ABCB1: variants seen among roughly 807,000 people sequenced by gnomAD.
The protein encoded by ABCB1 is ATP-dependent translocase ABCB1.
A neutral mutation model predicts 142.0 loss-of-function variants in ABCB1; 69 were observed. The observed-to-expected ratio is 0.49, with a 90% CI of 0.40 to 0.59. The LOEUF (loss-of-function observed/expected upper bound fraction) is 0.59. ABCB1 is among the 20% of genes least tolerant of loss of function. The pLI, the probability that ABCB1 is intolerant of heterozygous loss-of-function variation, is 0.00. For missense variants in ABCB1, 1,326 were observed against 1,554.7 expected (o/e 0.85, Z 2.47); for synonymous variants, 532 against 539.2 (o/e 0.99, Z 0.18).
exon 1 of ABCB1, chr7:87,713,289 T>C (rs1830255837): frequency 6.6e-6 from 1 of 152,072 alleles, no homozygotes; most frequent in Non-Finnish European, 1.5e-5. Context: ...AGGTAAAGAG[T>C]AATGATAGCC....
At chr7:87,565,764 G>GTTTTGT (rs1274865636) in intron 7 of ABCB1, among the ~76,000 whole-genome samples, 1 of 148,320 alleles carries the variant, frequency 6.7e-6, no homozygotes, top group South Asian at 2.1e-4. Context: ...TTTTTTTTTT[G>GTTTTGT]TTTTGTTTTT....
intron 1 of ABCB1, among the ~76,000 whole-genome samples, chr7:87,705,896 A>G (rs1285660076): frequency 6.6e-6 from 1 of 152,182 alleles, no homozygotes; most frequent in East Asian, 1.9e-4. Flanking sequence ...ACTGATTTCA[A>G]GTTCAAGAAA....
chr7:87,604,456 T>C (rs1187158092), upstream of ABCB1, among the ~76,000 whole-genome samples: 1 of 152,052 alleles, frequency 6.6e-6, no homozygotes, highest in Non-Finnish European at 1.5e-5. Flanking sequence ...AATAACACAA[T>C]AATAAGGGAT....
chr7:87,641,888 A>G (rs938694359), intron 1 of ABCB1, among the ~76,000 whole-genome samples: 1 of 152,182 alleles, frequency 6.6e-6, no homozygotes, highest in African/African-American at 2.4e-5. Context: ...TTTAAATCTT[A>G]GTATTTACAG....
intron 19 of ABCB1, among the ~76,000 whole-genome samples, chr7:87,537,979 G>A (rs900761655): frequency 6.6e-6 from 1 of 152,114 alleles, no homozygotes; most frequent in South Asian, 2.1e-4. Flanking sequence ...GTATCAACTT[G>A]CTTTTCAATA....
intron 20 of ABCB1, among the ~76,000 whole-genome samples, chr7:87,532,951 A>G (rs1816123192): frequency 6.6e-6 from 1 of 152,178 alleles, no homozygotes; most frequent in African/African-American, 2.4e-5. Context: ...ACACCAGACT[A>G]GTATTTAGGA....
intron 14 of ABCB1, among the ~76,000 whole-genome samples, chr7:87,548,176 GAA>G (rs758908883): frequency 3.0e-5 from 2 of 67,668 alleles, no homozygotes; most frequent in Admixed American, 1.5e-4. Context: ...GAAAGGAAGG[GAA>G]GGGAAGGGAA....
chr7:87,584,673 C>T (rs760630509), intron 4 of ABCB1, among the ~76,000 whole-genome samples: 5 of 152,180 alleles, frequency 3.3e-5, no homozygotes, highest in Admixed American at 2.0e-4. Flanking sequence ...AGCCAATTCT[C>T]CTGCTTCCTA....
At chr7:87,698,668 G>A (rs118183024) in intron 1 of ABCB1, among the ~76,000 whole-genome samples, 1 of 152,274 alleles carries the variant, frequency 6.6e-6, no homozygotes, top group East Asian at 1.9e-4. Flanking sequence ...TATTTATTGA[G>A]TGCCTACTGT....
At chr7:87,673,229 G>T (rs916532048) in intron 1 of ABCB1, among the ~76,000 whole-genome samples, 1 of 152,098 alleles carries the variant, frequency 6.6e-6, no homozygotes, top group Non-Finnish European at 1.5e-5. Context: ...TATTTTGCAG[G>T]ATTCTCTGCA....
intron 19 of ABCB1, among the ~76,000 whole-genome samples, chr7:87,538,112 A>G (rs1365282087): frequency 6.6e-6 from 1 of 152,200 alleles, no homozygotes; most frequent in Non-Finnish European, 1.5e-5. Context: ...CACTTAATAA[A>G]TGCTTGCCCT....
intron 18 of ABCB1, among the ~76,000 whole-genome samples, 192 bp from the exon 19 acceptor site, chr7:87,539,537 CAGAAGAA>C (rs1450192093): frequency 1.3e-5 from 2 of 152,182 alleles, no homozygotes; most frequent in Non-Finnish European, 2.9e-5. Context: ...GCCCACTTTA[CAGAAGAA>C]ACTGAGGCTT....
rs116602425 is a variant in ABCB1, at chr7:87,581,918, C to T, written c.286+3594G>A. Among the ~76,000 whole-genome samples the T allele has an allele frequency of 1.5e-3, 235 of 152,136 alleles. 3 individuals carry two copies. The highest frequency in any genetic ancestry group is 5.6e-3 in the African/African-American group (232 of 41,504). ...AGAATGATCTGACTGTATCTCGGGC[C>T]CCAAGAATTTAGTAGGCTGGTTCTC... On this transcript the variant is annotated intron_variant, in intron 4 of 27. Coordinates refer to ENST00000622132, the MANE Select transcript of ABCB1 (RefSeq NM_001348946.2).
chr7:87,566,177 T>C lies in ABCB1; in HGVS notation c.595A>G (p.Thr199Ala), dbSNP rs748390713. The change falls in exon 7 of 28, where the codon ACA becomes GCA. Residue 199 changes from threonine (T) to alanine (A), a missense_variant. Coordinates refer to ENST00000622132, the MANE Select transcript of ABCB1 (RefSeq NM_001348946.2). ...CCTACTATAAACCCAGTGAAAAATG[T>C]TGCCATTGACTGAAAGAACATTCCA... ...KIGMFFQSMA[T>A]FFTGFIVGFT... 1 of 1,614,070 alleles carries C rather than the reference T, an allele frequency of 6.2e-7. No individual in the cohort carries two copies. Among genetic ancestry groups the C allele is most frequent in the Non-Finnish European group, 8.5e-7 (1 of 1,180,022 alleles).
intron 5 of ABCB1, among the ~76,000 whole-genome samples, chr7:87,568,102 C>CAA (rs113381867): frequency 8.7e-6 from 1 of 114,622 alleles, no homozygotes; most frequent in Non-Finnish European, 1.8e-5. Context: ...GACTCCATCT[C>CAA]AAAAAAAAAA....
At chr7:87,626,936 C>T (rs1267580629) in intron 1 of ABCB1, among the ~76,000 whole-genome samples, 2 of 151,924 alleles carry the variant, frequency 1.3e-5, no homozygotes, top group Non-Finnish European at 2.9e-5. Flanking sequence ...CCACCACACC[C>T]GGCTAATTTT....
intron 1 of ABCB1, among the ~76,000 whole-genome samples, chr7:87,631,597 A>G (rs991133226): frequency 6.6e-6 from 1 of 152,120 alleles, no homozygotes; most frequent in African/African-American, 2.4e-5. Flanking sequence ...GTTTCACCGT[A>G]TTAGCCAGGA....
Position 87,503,184 on chromosome 7 carries a change from G to A in ABCB1, c.*1059C>T, listed in dbSNP as rs775294505. On this transcript the variant is annotated 3_prime_UTR_variant, in exon 28 of 28. Coordinates refer to ENST00000622132, the MANE Select transcript of ABCB1 (RefSeq NM_001348946.2). Reference sequence around the variant, plus strand: ...CCTTTCCTATTTTTTTTTCCTGGAGGTGATGGCTTCTTTTTTTTATTTTTA... The same window carrying A: ...CCTTTCCTATTTTTTTTTCCTGGAGATGATGGCTTCTTTTTTTTATTTTTA... Among the ~76,000 whole-genome samples the A allele has an allele frequency of 8.6e-5, 13 of 151,488 alleles. No homozygotes were observed. The highest frequency in any genetic ancestry group is 1.2e-4 in the African/African-American group (5 of 41,266).
rs1236330479 is a variant in ABCB1 at position 87,530,822 on chromosome 7, CAAGAAAGCAAGAAAGCAAGAAAGAAAGA to C, written c.2685+444_2685+471del. ...GCAAGAAAGCAAGAAAGCAAGAAAG[CAAGAAAGCAAGAAAGCAAGAAAGAAAGA>C]AAGAAAGAAAGAAAGAAAGAAAGAA... On this transcript the variant is annotated intron_variant, in intron 21 of 27. Coordinates refer to ENST00000622132, the MANE Select transcript of ABCB1 (RefSeq NM_001348946.2). Among the ~76,000 whole-genome samples the C allele has an allele frequency of 1.0e-3, 82 of 80,078 alleles. 1 individual carries two copies. The highest frequency in any genetic ancestry group is 3.0e-3 in the South Asian group (7 of 2,360). 52.5% of individuals were successfully genotyped at this position (80,078 alleles called of 152,430 possible).
Sources: allele counts gnomAD v4.1 joint callset (sites outside exome capture counted in the v4.1 genomes callset), GRCh38; gene constraint gnomAD v4.1.1; transcripts MANE v1.5; gene names NCBI Gene and HGNC (gene_info 2026-07-23, HGNC 2026-07-21).